Variants in AFAP1L2 observed in about 807,000 individuals in gnomAD.
AFAP1L2 encodes actin filament-associated protein 1-like 2.
In AFAP1L2, 46 loss-of-function variants were observed where a neutral mutation model predicts 99.3. That is an observed-to-expected ratio of 0.46 (90% confidence interval 0.37 to 0.59). The LOEUF (loss-of-function observed/expected upper bound fraction) is 0.59. AFAP1L2 is among the 20% of genes least tolerant of loss of function. AFAP1L2 has a pLI of 0.00. For synonymous variants in AFAP1L2, 397 were observed against 419.1 expected (o/e 0.95, Z 0.64); for missense variants, 959 against 1,034.9 (o/e 0.93, Z 1.01).
At chr10:114,328,743 G>T (rs1431515768) in intron 4 of AFAP1L2, among the ~76,000 whole-genome samples, 1 of 152,192 alleles carries the variant, frequency 6.6e-6, no homozygotes, top group East Asian at 1.9e-4. Context: ...TCCTCTGGGG[G>T]CCTTGGACTA....
chr10:114,281,752 C>T, the AFAP1L2 span: 51 of 985,322 alleles, frequency 5.2e-5, no homozygotes, highest in African/African-American at 4.9e-4. Context: ...TCCTTCAGTG[C>T]TCTTCTCTCC....
intron 4 of AFAP1L2, among the ~76,000 whole-genome samples, chr10:114,325,664 C>T (rs1164597845): frequency 6.6e-6 from 1 of 152,216 alleles, no homozygotes; most frequent in Non-Finnish European, 1.5e-5. Flanking sequence ...TGCCTGGCAG[C>T]CAGGCCCTAG....
rs190519254 is a variant in AFAP1L2, at chr10:114,366,891, C to T, written c.17-26160G>A. Among the ~76,000 whole-genome samples the T allele has an allele frequency of 1.1e-4, 17 of 152,288 alleles. No individual in the cohort carries two copies. The East Asian group carries it at 3.3e-3, about 29-fold the overall frequency. ...GCTGAGGCAGGAGAATCGCTTGAAC[C>T]CAGGAGGTGGCGGTGCAGTGAGTTG... On this transcript the variant is annotated intron_variant, in intron 1 of 18. Transcript: ENST00000304129.
chr10:114,357,595 C>T (rs1564969497), intron 1 of AFAP1L2, among the ~76,000 whole-genome samples: 2 of 152,130 alleles, frequency 1.3e-5, no homozygotes, highest in Admixed American at 6.6e-5. Flanking sequence ...TAGTGAGTAT[C>T]GGCTCTCTCT....
chr10:114,287,111 GA>G, the AFAP1L2 span, among the ~76,000 whole-genome samples: 1 of 152,170 alleles, frequency 6.6e-6, no homozygotes, highest in Non-Finnish European at 1.5e-5. Context: ...ACCCCTATTG[GA>G]AGGCACTCTA....
intron 15 of AFAP1L2, among the ~76,000 whole-genome samples, chr10:114,299,725 C>A (rs1339851516): frequency 1.3e-5 from 2 of 152,194 alleles, no homozygotes; most frequent in Non-Finnish European, 2.9e-5. Flanking sequence ...GAGGCAGACC[C>A]GCTCTCAGTC....
chr10:114,336,846 G>A (rs572554006), intron 2 of AFAP1L2, among the ~76,000 whole-genome samples: 112 of 151,536 alleles, frequency 7.4e-4, no homozygotes, highest in African/African-American at 2.4e-3. Context: ...AAAAAGCAAA[G>A]AGGGTAGAAA....
chr10:114,301,184 T>C (rs1432233458), intron 13 of AFAP1L2, among the ~76,000 whole-genome samples, 170 bp downstream of exon 13: 2 of 152,206 alleles, frequency 1.3e-5, no homozygotes, highest in African/African-American at 2.4e-5. Flanking sequence ...GCCTCACATA[T>C]AGGAGACAGC....
At chr10:114,391,945 ACCT>A (rs2057204956) in intron 1 of AFAP1L2, among the ~76,000 whole-genome samples, 1 of 151,934 alleles carries the variant, frequency 6.6e-6, no homozygotes, top group Non-Finnish European at 1.5e-5. Flanking sequence ...GGAACAGCAC[ACCT>A]CCTTACTCTC....
At chr10:114,312,224 G>A (rs1392690494) in intron 7 of AFAP1L2, among the ~76,000 whole-genome samples, 1 of 151,530 alleles carries the variant, frequency 6.6e-6, no homozygotes, top group Admixed American at 6.6e-5. Flanking sequence ...GGAACTGGGG[G>A]CAAGAGCAGA....
intron 1 of AFAP1L2, among the ~76,000 whole-genome samples, chr10:114,385,942 C>G (rs515392): frequency 0.43 from 65,710 of 151,818 alleles, 14,645 homozygotes; most frequent in East Asian, 0.58. Context: ...CCCCGCCCCC[C>G]CTCAGGAGTC....
chr10:114,349,555 GAAAAAAAA>G (rs200302338), intron 1 of AFAP1L2, among the ~76,000 whole-genome samples: 2 of 123,782 alleles, frequency 1.6e-5, no homozygotes, highest in African/African-American at 6.3e-5. Context: ...TTGTCGCTTG[GAAAAAAAA>G]AAAAAAAAAA....
chr10:114,400,336 T>C (rs79804512), intron 1 of AFAP1L2, among the ~76,000 whole-genome samples: 2,067 of 152,244 alleles, frequency 0.014, 56 homozygotes, highest in African/African-American at 0.047. Flanking sequence ...CTGCTTGGCC[T>C]TTCAGCACCA....
intron 1 of AFAP1L2, among the ~76,000 whole-genome samples, chr10:114,353,150 G>A (rs530214482): frequency 1.3e-5 from 2 of 152,316 alleles, no homozygotes; most frequent in African/African-American, 4.8e-5. Context: ...TCAGCCATGG[G>A]ACTCTTCCTG....
chr10:114,299,492 C>T (rs539076333), intron 15 of AFAP1L2, 77 bp from the exon 16 acceptor site: 38 of 1,567,222 alleles, frequency 2.4e-5, no homozygotes, highest in Non-Finnish European at 3.0e-5. Context: ...TCCCCAGGCT[C>T]GGATAGAACC....
chr10:114,313,067 G>A (rs1418520956), intron 7 of AFAP1L2, among the ~76,000 whole-genome samples: 1 of 151,890 alleles, frequency 6.6e-6, no homozygotes, highest in African/African-American at 2.4e-5. Flanking sequence ...GTGGGGTGGG[G>A]TGCGGGGTGG....
chr10:114,315,516 C>CCG (rs397687446), intron 6 of AFAP1L2, 44 bp downstream of exon 6: 1 of 1,601,868 alleles, frequency 6.2e-7, no homozygotes, highest in South Asian at 1.1e-5. Flanking sequence ...GCCCCTTCCC[C>CCG]AAGGAGAGGA....
At chr10:114,336,916 C>T (rs73365399) in intron 2 of AFAP1L2, among the ~76,000 whole-genome samples, 2,210 of 152,238 alleles carry the variant, frequency 0.015, 60 homozygotes, top group African/African-American at 0.051. Flanking sequence ...GAGGCAATTC[C>T]CTTTGTGAAG....
intron 2 of AFAP1L2, among the ~76,000 whole-genome samples, chr10:114,334,186 T>C (rs1043830522): frequency 1.3e-5 from 2 of 152,200 alleles, no homozygotes; most frequent in Non-Finnish European, 2.9e-5. Context: ...CCATGCCTCC[T>C]TTAAAACCAC....
Sources: allele counts gnomAD v4.1 joint callset (sites outside exome capture counted in the v4.1 genomes callset), GRCh38; gene constraint gnomAD v4.1.1; transcripts MANE v1.5; gene names NCBI Gene and HGNC (gene_info 2026-07-23, HGNC 2026-07-21).